The following NIBAN1 variants were observed in gnomAD, a reference collection of about 807,000 sequenced individuals.
The protein encoded by NIBAN1 is niban apoptosis regulator 1, also known as protein Niban 1.
Under a neutral mutation model 75.1 loss-of-function variants are expected in NIBAN1, and 81 were observed. That is an observed-to-expected ratio of 1.08 (90% CI 0.90 to 1.30). The LOEUF is 1.30. Ranked by LOEUF, NIBAN1 falls within the 50% of genes most tolerant of loss-of-function variation. NIBAN1 has a pLI of 0.00. For missense variants in NIBAN1, 1,133 were observed against 1,128.1 expected (o/e 1.00, Z -0.06); for synonymous variants, 436 against 424.8 (o/e 1.03, Z -0.32).
At chr1:184,906,954 T>G (rs1255098035) in intron 1 of NIBAN1, among the ~76,000 whole-genome samples, 1 of 152,194 alleles carries the variant, frequency 6.6e-6, no homozygotes, top group Non-Finnish European at 1.5e-5. Flanking sequence ...AGATACTATT[T>G]ATAGCAGATT....
rs183928336 is a variant in NIBAN1, at chr1:184,839,463, A to G, written c.602-7501T>C. Among the ~76,000 whole-genome samples the G allele has an allele frequency of 3.9e-4, 60 of 152,278 alleles. No homozygotes were observed. The East Asian group carries it at 8.1e-3, about 21-fold the overall frequency. ...AAAAGGGAGCATCTTGCAACCCTAT[A>G]GTACGATATACCACAACCATGAAAT... On this transcript the variant is annotated intron_variant, in intron 5 of 13. Transcript: ENST00000367511.
At chr1:184,919,365 C>CT (rs1444519411) in intron 1 of NIBAN1, among the ~76,000 whole-genome samples, 1 of 152,164 alleles carries the variant, frequency 6.6e-6, no homozygotes, top group Non-Finnish European at 1.5e-5. Flanking sequence ...CCATGTGAAG[C>CT]TTACCATTCT....
intron 1 of NIBAN1, among the ~76,000 whole-genome samples, chr1:184,923,002 C>G (rs1657599880): frequency 6.6e-6 from 1 of 152,156 alleles, no homozygotes; most frequent in Non-Finnish European, 1.5e-5. Flanking sequence ...TATTTTCTCC[C>G]ATTCTGTCAG....
chr1:184,938,549 T>C (rs1344824182), intron 1 of NIBAN1, among the ~76,000 whole-genome samples: 1 of 152,152 alleles, frequency 6.6e-6, no homozygotes, highest in African/African-American at 2.4e-5. Flanking sequence ...TTTTTGTGAA[T>C]TGAAAAAAGC....
intron 6 of NIBAN1, among the ~76,000 whole-genome samples, chr1:184,825,532 G>T (rs982141593): frequency 7.2e-5 from 11 of 151,986 alleles, no homozygotes; most frequent in African/African-American, 2.7e-4. Flanking sequence ...AAAGAAAAAG[G>T]AAAAAATAAA....
intron 5 of NIBAN1, among the ~76,000 whole-genome samples, chr1:184,881,860 C>T (rs1205872401): frequency 6.6e-6 from 1 of 152,184 alleles, no homozygotes; most frequent in Non-Finnish European, 1.5e-5. Context: ...TCCTTTACTG[C>T]AACCTGTTTT....
chr1:184,897,933 C>T (rs1371743680), intron 2 of NIBAN1, among the ~76,000 whole-genome samples: 1 of 152,176 alleles, frequency 6.6e-6, no homozygotes, highest in Non-Finnish European at 1.5e-5. Context: ...TATCCTGCTC[C>T]CCAGTTTCCA....
Position 184,823,256 on chromosome 1 carries a change from C to G in NIBAN1, c.896G>C (p.Arg299Thr). The change falls in exon 8 of 14, where the codon AGA becomes ACA. Residue 299 changes from arginine to threonine, a missense_variant. Arg to Thr is a moderately conservative substitution (Grantham distance 71). Coordinates refer to ENST00000367511, the MANE Select transcript of NIBAN1 (RefSeq NM_052966.4). ...TCCTTCCAGGCCCTTTGTCAGAGCTCTGCATTCCTCCTTCAAGGCACTTAA... is the reference window on the plus strand; with the variant it reads ...TCCTTCCAGGCCCTTTGTCAGAGCTGTGCATTCCTCCTTCAAGGCACTTAA... ...EGLSALKEEC[R>T]ALTKGLEGTI... 6.2e-7 allele frequency: 1 copy of G among 1,614,218 alleles called. No individual in the cohort carries two copies. Among genetic ancestry groups the G allele is most frequent in the Non-Finnish European group, 8.5e-7 (1 of 1,180,036 alleles).
At chr1:184,949,198 A>C (rs929628983) in intron 1 of NIBAN1, among the ~76,000 whole-genome samples, 3 of 152,108 alleles carry the variant, frequency 2.0e-5, no homozygotes, top group African/African-American at 7.2e-5. Flanking sequence ...CTAAGAAAAA[A>C]ATACAAAAAA....
intron 3 of NIBAN1, 138 bp downstream of exon 3, chr1:184,893,937 G>T (rs1371816577): frequency 3.2e-5 from 26 of 812,126 alleles, no homozygotes; most frequent in Non-Finnish European, 4.7e-5. Context: ...CTTATTGAAT[G>T]AATCAGTCTC....
At chr1:184,958,874 G>A (rs1396119620) in intron 1 of NIBAN1, among the ~76,000 whole-genome samples, 1 of 152,134 alleles carries the variant, frequency 6.6e-6, no homozygotes, top group African/African-American at 2.4e-5. Flanking sequence ...TTACACATTT[G>A]CCATTGTTGC....
chr1:184,829,532 T>A (rs1210406720), intron 6 of NIBAN1, among the ~76,000 whole-genome samples: 1 of 146,514 alleles, frequency 6.8e-6, no homozygotes, highest in Non-Finnish European at 1.5e-5. Flanking sequence ...GGTGGCATGA[T>A]CTTGGCTCAC....
At chr1:184,858,884 G>T (rs745824398) in intron 5 of NIBAN1, among the ~76,000 whole-genome samples, 1 of 151,744 alleles carries the variant, frequency 6.6e-6, no homozygotes, top group Non-Finnish European at 1.5e-5. Context: ...TGACTTGGAG[G>T]GATTTCCATG....
chr1:184,952,960 T>C (rs1037052654), intron 1 of NIBAN1, among the ~76,000 whole-genome samples: 2 of 152,206 alleles, frequency 1.3e-5, no homozygotes, highest in Non-Finnish European at 2.9e-5. Context: ...AGAAAATATA[T>C]AGAAATTCAG....
At chr1:184,895,190 T>C (rs946927962) in intron 2 of NIBAN1, among the ~76,000 whole-genome samples, 4 of 152,134 alleles carry the variant, frequency 2.6e-5, no homozygotes, top group Non-Finnish European at 5.9e-5. Context: ...AGACAGATAA[T>C]GCGGCAGTCC....
chr1:184,895,880 A>G (rs1656785046), intron 2 of NIBAN1, among the ~76,000 whole-genome samples: 2 of 152,148 alleles, frequency 1.3e-5, no homozygotes, highest in African/African-American at 4.8e-5. Context: ...TGTTGTTGCA[A>G]AGGGTATGAT....
At chr1:184,971,606 G>A (rs561750793) in intron 1 of NIBAN1, among the ~76,000 whole-genome samples, 2 of 152,148 alleles carry the variant, frequency 1.3e-5, no homozygotes, top group South Asian at 2.1e-4. Context: ...GGAGTCAGAG[G>A]TTGCAGTGAT....
chr1:184,806,882 C>T (rs544070752), intron 10 of NIBAN1, among the ~76,000 whole-genome samples: 100 of 150,350 alleles, frequency 6.7e-4, no homozygotes, highest in African/African-American at 2.4e-3. Context: ...GAGTCTCGTG[C>T]TTCAGCCTCC....
Position 184,876,785 on chromosome 1 carries a change from T to C in NIBAN1, c.601+7848A>G, listed in dbSNP as rs1394233019. On this transcript the variant is annotated intron_variant, in intron 5 of 13. Coordinates refer to ENST00000367511, the MANE Select transcript of NIBAN1 (RefSeq NM_052966.4). ...CTTCTCACAAAGAGAACACCTAAGA[T>C]GATTTTACAGGCACGCTCTGCCAAA... Among the ~76,000 whole-genome samples, 3 of 152,320 alleles carry C rather than the reference T, an allele frequency of 2.0e-5. No homozygotes were observed. The East Asian group carries it at 5.8e-4, about 29-fold the overall frequency.
Sources: gnomAD v4.1 joint callset for allele counts (sites outside exome capture counted in the v4.1 genomes callset) on GRCh38, gnomAD v4.1.1 for gene constraint, MANE v1.5 for transcripts, NCBI Gene and HGNC (gene_info 2026-07-23, HGNC 2026-07-21) for gene names.